Variants in SCTR observed in about 807,000 individuals in gnomAD.
SCTR encodes the protein secretin receptor, also known as pancreatic secretin receptor.
SCTR carries 56 observed loss-of-function variants against 60.8 expected under a neutral mutation model. The observed-to-expected ratio is 0.92, with a 90% confidence interval of 0.74 to 1.15. The LOEUF is 1.15. Ranked by LOEUF, SCTR falls within the 50% of genes most tolerant of loss-of-function variation. SCTR has a pLI of 0.00. For missense variants in SCTR, 562 were observed against 550.4 expected (o/e 1.02, Z -0.21); for synonymous variants, 202 against 217.0 (o/e 0.93, Z 0.61).
intron 2 of SCTR, chr2:119,479,231 G>A (rs963284860): frequency 9.2e-7 from 1 of 1,091,234 alleles, no homozygotes. Context: ...TTTCTCTGGA[G>A]CAGATGGCAC....
At chr2:119,443,030 G>A (rs1157214190) in intron 11 of SCTR, among the ~76,000 whole-genome samples, 1 of 152,176 alleles carries the variant, frequency 6.6e-6, no homozygotes, top group Non-Finnish European at 1.5e-5. Flanking sequence ...AGGGGTTTAG[G>A]CATGCCTGGA....
chr2:119,459,099 A>G (rs1448058970), intron 7 of SCTR, among the ~76,000 whole-genome samples: 1 of 152,222 alleles, frequency 6.6e-6, no homozygotes, highest in Non-Finnish European at 1.5e-5. Flanking sequence ...TGTATTACAT[A>G]CAGAAAACAC....
intron 2 of SCTR, among the ~76,000 whole-genome samples, chr2:119,493,969 G>C (rs984393543): frequency 3.3e-5 from 5 of 152,136 alleles, no homozygotes; most frequent in African/African-American, 1.2e-4. Flanking sequence ...AGAAAATGGA[G>C]ACTCAGAGGG....
intron 2 of SCTR, 80 bp downstream of exon 2, chr2:119,494,348 C>A: frequency 1.3e-6 from 2 of 1,505,726 alleles, no homozygotes; most frequent in East Asian, 2.3e-5. Flanking sequence ...CATCCTGGCC[C>A]AGGATAAGCT....
rs773649370 is a variant in SCTR at position 119,494,445 on chromosome 2, G to A, written c.176C>T (p.Thr59Met). ...LSREQTGDLGTEQPVPGCEGM... is the reference protein window; with the variant it reads ...LSREQTGDLGMEQPVPGCEGM... ...CCTCATACCTGGCACTGGCTGCTCC[G>A]TGCCCAGGTCTCCTGTCTGCTCTCT... Residue 59 changes from threonine to methionine, a missense_variant, in exon 2 of 13, where the codon ACG (threonine) becomes ATG (methionine). Physicochemically the swap from Thr to Met is moderately conservative, Grantham distance 81 (BLOSUM62 -1). Transcript: ENST00000019103. 3.3e-5 allele frequency: 53 copies of A among 1,613,686 alleles called. No homozygotes were observed. Among genetic ancestry groups the A allele is most frequent in the Admixed American group, 1.0e-4 (6 of 59,988 alleles).
intron 1 of SCTR, among the ~76,000 whole-genome samples, chr2:119,508,383 C>CTTTTTTTTTTTTTTTTTTTTTTTT (rs34070844): frequency 5.2e-5 from 4 of 77,376 alleles, no homozygotes; most frequent in Admixed American, 1.8e-4. Flanking sequence ...TCTTCTTCTT[C>CTTTTTTTTTTTTTTTTTTTTTTTT]TTTTTTTTTT....
intron 4 of SCTR, among the ~76,000 whole-genome samples, chr2:119,469,656 C>G (rs955899301): frequency 6.6e-6 from 1 of 152,090 alleles, no homozygotes; most frequent in Non-Finnish European, 1.5e-5. Context: ...CACTCAGCTA[C>G]TTAAAAAAAT....
In SCTR at chr2:119,439,986, C is replaced by T; in HGVS notation, c.*131G>A. The T allele has an allele frequency of 1.0e-6, 1 of 953,944 alleles. No individual in the cohort carries two copies. Among genetic ancestry groups the T allele is most frequent in the Non-Finnish European group, 1.5e-6 (1 of 645,832 alleles). 59.1% of individuals were successfully genotyped at this position (953,944 alleles called of 1,614,324 possible). A position where few individuals can be genotyped will look rare whatever the true frequency, so the allele number is the denominator to read the frequency against. Reference sequence around the variant, plus strand: ...ACATCCCTTCGGAAGAGTCCAAGGCCTGGGGAGGGGCATCTTCAGCTGAAG... The same window carrying T: ...ACATCCCTTCGGAAGAGTCCAAGGCTTGGGGAGGGGCATCTTCAGCTGAAG... On this transcript the variant is annotated 3_prime_UTR_variant, in exon 13 of 13. Coordinates refer to ENST00000019103, the MANE Select transcript of SCTR (RefSeq NM_002980.3).
intron 11 of SCTR, among the ~76,000 whole-genome samples, chr2:119,445,558 G>C (rs2104757903): frequency 6.6e-6 from 1 of 152,298 alleles, no homozygotes; most frequent in Admixed American, 6.5e-5. Context: ...AGAGCTCTAG[G>C]GATGAGGGGA....
rs151224678 is a variant in SCTR, at chr2:119,518,933, G to T, written c.72+5222C>A. Among the ~76,000 whole-genome samples the T allele has an allele frequency of 1.6e-3, 238 of 152,268 alleles. 2 individuals are homozygous for T. The highest frequency in any genetic ancestry group is 5.4e-3 in the African/African-American group (225 of 41,544). On this transcript the variant is annotated intron_variant, in intron 1 of 12. Transcript: ENST00000019103. The stretch of plus-strand genomic sequence containing the variant: ...CAGGGTGAGGTTGGGAAGTTCTGCG[G>T]GAACTCCAAAGGGTGACGATGCCAA...
chr2:119,446,087 T>C (rs1682915384), intron 11 of SCTR, among the ~76,000 whole-genome samples: 1 of 152,242 alleles, frequency 6.6e-6, no homozygotes, highest in South Asian at 2.1e-4. Flanking sequence ...GTTCACAGCA[T>C]CTTGTGGAAT....
chr2:119,442,331 G>T (rs1056892197), intron 11 of SCTR, among the ~76,000 whole-genome samples: 8 of 152,232 alleles, frequency 5.3e-5, no homozygotes, highest in African/African-American at 1.9e-4. Flanking sequence ...CTCCAGATCA[G>T]CAGGAAGCAG....
intron 1 of SCTR, among the ~76,000 whole-genome samples, chr2:119,516,858 C>T (rs903818256): frequency 6.6e-5 from 10 of 152,256 alleles, no homozygotes; most frequent in Admixed American, 3.9e-4. Context: ...ACTCGGGAGG[C>T]TGAGGCGGGA....
Position 119,461,836 on chromosome 2 carries a change from G to A in SCTR, c.790+11C>T. 6.2e-7 allele frequency: 1 copy of A among 1,608,002 alleles called. No individual in the cohort carries two copies. Among genetic ancestry groups the A allele is most frequent in the East Asian group, 2.2e-5 (1 of 44,830 alleles). On this transcript the variant is annotated intron_variant, in intron 7 of 12. Coordinates refer to ENST00000019103, the MANE Select transcript of SCTR (RefSeq NM_002980.3). ...ATACCATGCAGATATCAGACCCAGG[G>A]AGAAACATACCCCATCCGAATGCCA...
chr2:119,462,176 T>C (rs1333892740), intron 6 of SCTR, among the ~76,000 whole-genome samples, 176 bp from the exon 7 acceptor site: 1 of 152,136 alleles, frequency 6.6e-6, no homozygotes, highest in Non-Finnish European at 1.5e-5. Flanking sequence ...CAGCATTCTC[T>C]AGAGAGTAGG....
intron 1 of SCTR, among the ~76,000 whole-genome samples, chr2:119,519,828 G>GAAAAGAA (rs1679233434): frequency 1.8e-5 from 1 of 55,858 alleles, no homozygotes; most frequent in African/African-American, 6.2e-5. Context: ...AAAAAAAAAA[G>GAAAAGAA]AAAAAAAGAA....
chr2:119,482,202 T>C (rs112977345), intron 2 of SCTR, among the ~76,000 whole-genome samples: 18,330 of 151,638 alleles, frequency 0.12, 1,362 homozygotes, highest in South Asian at 0.27. Flanking sequence ...ACAGAAGGGG[T>C]AGGGAACGGT....
intron 1 of SCTR, among the ~76,000 whole-genome samples, chr2:119,501,422 A>C (rs887616672): frequency 1.3e-5 from 2 of 151,598 alleles, no homozygotes; most frequent in Admixed American, 6.6e-5. Flanking sequence ...AAAAAAAAAA[A>C]GTGGATCTCT....
At chr2:119,522,494 A>G (rs1049986001) in intron 1 of SCTR, among the ~76,000 whole-genome samples, 3 of 152,094 alleles carry the variant, frequency 2.0e-5, no homozygotes, top group African/African-American at 7.2e-5. Flanking sequence ...TGAGAGTCTC[A>G]GTGTGCTCAT....
Sources: allele counts gnomAD v4.1 joint callset (sites outside exome capture counted in the v4.1 genomes callset), GRCh38; gene constraint gnomAD v4.1.1; transcripts MANE v1.5; gene names NCBI Gene and HGNC (gene_info 2026-07-23, HGNC 2026-07-21).